The following ZCCHC24 variants were observed in gnomAD, a reference collection of about 807,000 sequenced individuals.
The protein encoded by ZCCHC24 is zinc finger CCHC domain-containing protein 24.
ZCCHC24 carries 10 observed loss-of-function variants against 26.2 expected under a neutral mutation model. The ratio of observed to expected loss-of-function variants is 0.38; its 90% CI spans 0.24 to 0.65. The LOEUF is 0.65. Ranked by LOEUF, ZCCHC24 falls within the 30% of genes least tolerant of loss-of-function variation. The probability of loss-of-function intolerance (pLI) is 0.54; values close to 1 mark genes in which losing one functional copy is unlikely to be tolerated. For synonymous variants in ZCCHC24, 144 were observed against 147.1 expected, an observed-to-expected ratio of 0.98 and a Z score of 0.15; for missense variants, 243 against 329.1, an observed-to-expected ratio of 0.74 and a Z score of 2.03.
rs188823725 is a variant in ZCCHC24 at position 79,431,246 on chromosome 10, C to G, written c.447+1312G>C. ...AGGCCATGAGCATGCCCTTAAGGACCAACTAGATCCTCAGTTGCCTGTTTG... is the reference window on the plus strand; with the variant it reads ...AGGCCATGAGCATGCCCTTAAGGACGAACTAGATCCTCAGTTGCCTGTTTG... On this transcript the variant is annotated intron_variant, in intron 2 of 3. Transcript: ENST00000372336. 3.1e-3 allele frequency among the ~76,000 whole-genome samples: 472 copies of G among 152,334 alleles called. 3 individuals are homozygous for G. The highest frequency in any genetic ancestry group is 0.013 in the Admixed American group (196 of 15,302).
At chr10:79,392,642 G>C (rs898857747) in intron 3 of ZCCHC24, among the ~76,000 whole-genome samples, 3 of 152,162 alleles carry the variant, frequency 2.0e-5, no homozygotes, top group African/African-American at 7.2e-5. Flanking sequence ...CCACTGCTGT[G>C]ATTCTCTCAA....
intron 2 of ZCCHC24, among the ~76,000 whole-genome samples, chr10:79,427,747 A>G (rs937906521): frequency 2.6e-5 from 4 of 152,140 alleles, no homozygotes; most frequent in African/African-American, 7.2e-5. Context: ...GACACAATGG[A>G]TCATGCCTGT....
chr10:79,393,185 C>T (rs1483914048), intron 3 of ZCCHC24, among the ~76,000 whole-genome samples: 1 of 152,232 alleles, frequency 6.6e-6, no homozygotes, highest in African/African-American at 2.4e-5. Flanking sequence ...GTTGATGACA[C>T]CCACTTACAT....
rs370025190 is a variant in ZCCHC24, at chr10:79,430,686, C to CACCACACACACACACACACACA, written c.447+1871_447+1872insTGTGTGTGTGTGTGTGTGTGGT. ...GTGCACATACACTCACACACACACA[C>CACCACACACACACACACACACA]CACACACACACACACACACACACAC... is the stretch of plus-strand genomic sequence containing the variant. On this transcript the variant is annotated intron_variant, in intron 2 of 3. Transcript: ENST00000372336. 3.1e-3 allele frequency among the ~76,000 whole-genome samples: 435 copies of CACCACACACACACACACACACA among 140,656 alleles called. 3 individuals are homozygous for CACCACACACACACACACACACA. The highest frequency in any genetic ancestry group is 0.023 in the East Asian group (108 of 4,710). The allele number at this position is 140,656 out of a possible 152,430, so 92.3% of individuals were successfully genotyped here. A position where few individuals can be genotyped will look rare whatever the true frequency, so the allele number is the denominator to read the frequency against.
At chr10:79,398,426 G>A (rs570402504) in intron 2 of ZCCHC24, among the ~76,000 whole-genome samples, 4 of 152,304 alleles carry the variant, frequency 2.6e-5, no homozygotes, top group South Asian at 4.1e-4. Context: ...GCAAGTGCTC[G>A]GTCACCATTA....
intron 2 of ZCCHC24, among the ~76,000 whole-genome samples, chr10:79,409,620 A>G (rs1172849932): frequency 1.3e-5 from 2 of 151,190 alleles, no homozygotes; most frequent in Admixed American, 6.6e-5. Context: ...AGAGAAAGCC[A>G]GAGGGGTAGG....
At chr10:79,440,000 G>A (rs1857269725) in intron 1 of ZCCHC24, among the ~76,000 whole-genome samples, 1 of 152,122 alleles carries the variant, frequency 6.6e-6, no homozygotes, top group Non-Finnish European at 1.5e-5. Context: ...GCAATAGCAA[G>A]TGCAGGGGCT....
intron 2 of ZCCHC24, among the ~76,000 whole-genome samples, chr10:79,411,290 A>C (rs904311955): frequency 1.3e-5 from 2 of 152,172 alleles, no homozygotes; most frequent in Non-Finnish European, 2.9e-5. Flanking sequence ...TTTACAGTCT[A>C]ATGTGGCCAG....
Position 79,432,617 on chromosome 10 carries a change from G to T in ZCCHC24, c.388C>A (p.Pro130Thr), listed in dbSNP as rs770418523. 1.2e-6 allele frequency: 2 copies of T among 1,608,848 alleles called. No individual in the cohort carries two copies. Among genetic ancestry groups the T allele is most frequent in the Non-Finnish European group, 1.7e-6 (2 of 1,177,592 alleles). ...AAGCACAGGTGGCACAGGTAGTTGG[G>T]TGGGGGCCGCTTGCTGGGCTTGCGA... Reference protein sequence around the residue: ...EARKPSKRPPPNYLCHLCFNK... With the variant: ...EARKPSKRPPTNYLCHLCFNK... The change falls in exon 2 of 4, where the codon CCC becomes ACC. Residue 130 changes from proline (P) to threonine (T), a missense_variant. This residue lies in a region of ZCCHC24 where 96 missense variants were observed against 178.3 expected (regional missense o/e 0.54). Coordinates refer to ENST00000372336, the MANE Select transcript of ZCCHC24 (RefSeq NM_153367.4).
chr10:79,396,109 T>C (rs996473398), intron 2 of ZCCHC24, among the ~76,000 whole-genome samples: 5 of 152,202 alleles, frequency 3.3e-5, no homozygotes, highest in African/African-American at 1.2e-4. Context: ...ACATACAACA[T>C]TTGTCCTTTT....
intron 2 of ZCCHC24, among the ~76,000 whole-genome samples, chr10:79,431,079 G>A (rs974742878): frequency 6.6e-6 from 1 of 152,194 alleles, no homozygotes; most frequent in South Asian, 2.1e-4. Flanking sequence ...TCTCCTTAAC[G>A]GAGCTCAGTC....
chr10:79,397,035 T>C (rs961174409), intron 2 of ZCCHC24, among the ~76,000 whole-genome samples: 1 of 152,240 alleles, frequency 6.6e-6, no homozygotes, highest in African/African-American at 2.4e-5. Context: ...GGTACATAGT[T>C]TCTTCCTTTA....
At chr10:79,401,311 T>C (rs1856629290) in intron 2 of ZCCHC24, among the ~76,000 whole-genome samples, 1 of 152,262 alleles carries the variant, frequency 6.6e-6, no homozygotes, top group African/African-American at 2.4e-5. Flanking sequence ...GAGAAATCAC[T>C]GTTGCTCCAA....
chr10:79,436,674 G>A (rs961129556), intron 1 of ZCCHC24, among the ~76,000 whole-genome samples: 27 of 152,232 alleles, frequency 1.8e-4, no homozygotes, highest in African/African-American at 5.1e-4. Flanking sequence ...CCCTGGGTGC[G>A]ATGGTCACCA....
At chr10:79,438,047 A>C (rs575829760) in intron 1 of ZCCHC24, among the ~76,000 whole-genome samples, 22 of 152,144 alleles carry the variant, frequency 1.4e-4, no homozygotes, top group Non-Finnish European at 2.8e-4. Context: ...TGGAAAAGGC[A>C]GCGTCTGGGC....
At chr10:79,443,422 G>A (rs1188501503) in intron 1 of ZCCHC24, among the ~76,000 whole-genome samples, 1 of 152,166 alleles carries the variant, frequency 6.6e-6, no homozygotes, top group Non-Finnish European at 1.5e-5. Context: ...GGCTAGAAGA[G>A]GTTGATTAGG....
intron 1 of ZCCHC24, chr10:79,444,265 G>T: frequency 6.9e-7 from 1 of 1,442,976 alleles, no homozygotes; most frequent in Non-Finnish European, 9.1e-7. Context: ...GGGAGGGGAG[G>T]AGTCCAGCCC....
intron 2 of ZCCHC24, among the ~76,000 whole-genome samples, chr10:79,415,472 G>A (rs1445441699): frequency 6.6e-6 from 1 of 152,220 alleles, no homozygotes; most frequent in Non-Finnish European, 1.5e-5. Flanking sequence ...CTCCTGATCA[G>A]TTGGGACGTT....
In ZCCHC24 at chr10:79,429,138, G is replaced by A. The variant is rs141872578; in HGVS notation, c.447+3420C>T. 1.9e-3 allele frequency among the ~76,000 whole-genome samples: 289 copies of A among 152,280 alleles called. 7 individuals are homozygous for A. The highest frequency in any genetic ancestry group is 0.012 in the East Asian group (60 of 5,188). Reference sequence around the variant, plus strand: ...CTTCCTAACACACTATAACATGGATGAACCATGAAAATATTATGCTAAGTG... The same window carrying A: ...CTTCCTAACACACTATAACATGGATAAACCATGAAAATATTATGCTAAGTG... On this transcript the variant is annotated intron_variant, in intron 2 of 3. Coordinates refer to ENST00000372336, the MANE Select transcript of ZCCHC24 (RefSeq NM_153367.4).
Sources: gnomAD v4.1 joint callset for allele counts (sites outside exome capture counted in the v4.1 genomes callset) on GRCh38, gnomAD v4.1.1 for gene constraint, gnomAD v4.1.1 regional missense constraint, MANE v1.5 for transcripts, NCBI Gene and HGNC (gene_info 2026-07-23, HGNC 2026-07-21) for gene names.